NAV3: variants seen among roughly 807,000 people sequenced by gnomAD.
NAV3 encodes the protein pore membrane and/or filament interacting like protein 1.
A neutral mutation model predicts 244.7 loss-of-function variants in NAV3; 87 were observed. The ratio of observed to expected loss-of-function variants is 0.36; its 90% CI spans 0.30 to 0.42. The LOEUF (loss-of-function observed/expected upper bound fraction) is 0.42. Ranked by LOEUF, NAV3 falls within the 20% of genes least tolerant of loss-of-function variation. The pLI is 1.00. For missense variants in NAV3, 2,663 were observed against 2,893.3 expected (o/e 0.92, Z 1.83); for synonymous variants, 1,126 against 1,042.2 (o/e 1.08, Z -1.55).
At chr12:77,658,448 G>T (rs918657261) in intron 2 of NAV3, among the ~76,000 whole-genome samples, 1 of 145,868 alleles carries the variant, frequency 6.9e-6, no homozygotes, top group East Asian at 2.1e-4. Context: ...ACTGCTCAAT[G>T]AAATAAAAGA....
chr12:77,984,394 T>A (rs1014647334), intron 5 of NAV3, among the ~76,000 whole-genome samples: 1 of 152,022 alleles, frequency 6.6e-6, no homozygotes, highest in Non-Finnish European at 1.5e-5. Flanking sequence ...GACTTCCAAG[T>A]GCAGGTGTGC....
chr12:77,986,722 T>C (rs1190656949), intron 5 of NAV3, among the ~76,000 whole-genome samples: 1 of 152,174 alleles, frequency 6.6e-6, no homozygotes, highest in Non-Finnish European at 1.5e-5. Flanking sequence ...ACATCTTACA[T>C]GAAATTATTA....
intron 2 of NAV3, among the ~76,000 whole-genome samples, chr12:77,809,482 C>A (rs906510896): frequency 5.3e-5 from 8 of 152,182 alleles, no homozygotes; most frequent in Non-Finnish European, 1.0e-4. Context: ...AGCTTTGGTT[C>A]GCCCTCCATG....
chr12:77,818,396 T>G (rs1051793889), intron 2 of NAV3, among the ~76,000 whole-genome samples: 6 of 152,176 alleles, frequency 3.9e-5, no homozygotes, highest in African/African-American at 1.4e-4. Flanking sequence ...GCAATTTTAA[T>G]GTTTAGTAAG....
rs76182930 is a variant in NAV3 at position 77,772,173 on chromosome 12, A to G, written c.73-168146A>G. 1.1e-4 allele frequency among the ~76,000 whole-genome samples: 16 copies of G among 152,226 alleles called. No homozygotes were observed. The East Asian group carries it at 2.7e-3, about 26-fold the overall frequency. On this transcript the variant is annotated intron_variant, in intron 2 of 8. Coordinates refer to the NAV3 transcript ENST00000550042. ...AAGGGTTGTGTAGCTTGGTCCAGGTAACAGTGCTAATGAGGGACAACGCTA... is the reference window on the plus strand; with the variant it reads ...AAGGGTTGTGTAGCTTGGTCCAGGTGACAGTGCTAATGAGGGACAACGCTA...
intron 12 of NAV3, among the ~76,000 whole-genome samples, chr12:78,061,724 T>A (rs1197444188): frequency 6.6e-6 from 1 of 152,016 alleles, no homozygotes; most frequent in African/African-American, 2.4e-5. Context: ...CTATGAAAAA[T>A]TGTTTCAAAA....
chr12:78,117,300 A>ATAAATATCTATTATATAAATAGATAT (rs1566156420), intron 13 of NAV3, among the ~76,000 whole-genome samples: 1 of 113,956 alleles, frequency 8.8e-6, no homozygotes, highest in East Asian at 2.4e-4. Context: ...TATAGAGTAT[A>ATAAATATCTATTATATAAATAGATAT]TAAATATCTA....
At chr12:77,577,261 C>T (rs887272325) in intron 2 of NAV3, among the ~76,000 whole-genome samples, 1 of 152,152 alleles carries the variant, frequency 6.6e-6, no homozygotes, top group African/African-American at 2.4e-5. Context: ...TATCTGGCAT[C>T]CTCTAAGGAT....
At chr12:77,741,148 C>CAAAAAAAAAAAAAAAAA in intron 2 of NAV3, among the ~76,000 whole-genome samples, 1,191 of 68,432 alleles carry the variant, frequency 0.017, 6 homozygotes, top group East Asian at 0.027. Context: ...AAAAAAAAGA[C>CAAAAAAAAAAAAAAAAA]AAAAAAAAAA....
chr12:77,841,247 C>T (rs942973155), intron 1 of NAV3, among the ~76,000 whole-genome samples: 12 of 152,154 alleles, frequency 7.9e-5, no homozygotes, highest in Admixed American at 7.2e-4. Context: ...AGTATAACAA[C>T]GTGATGCCAC....
chr12:78,055,459 A>T (rs1423914957), intron 11 of NAV3, among the ~76,000 whole-genome samples: 2 of 152,228 alleles, frequency 1.3e-5, no homozygotes, highest in Non-Finnish European at 2.9e-5. Flanking sequence ...ATTAGTTAAC[A>T]TTGATTTCGA....
chr12:77,782,723 G>A (rs978224134), intron 2 of NAV3, among the ~76,000 whole-genome samples: 7 of 151,886 alleles, frequency 4.6e-5, no homozygotes, highest in African/African-American at 1.7e-4. Flanking sequence ...ACTTGTAATG[G>A]GAAAGTCTAA....
chr12:77,632,345 GTTTAA>G (rs1871948786), intron 2 of NAV3, among the ~76,000 whole-genome samples: 1 of 152,158 alleles, frequency 6.6e-6, no homozygotes, highest in Admixed American at 6.5e-5. Flanking sequence ...AGAAAAAGAG[GTTTAA>G]TGGACTCAGA....
At chr12:78,093,238 T>C (rs900116524) in intron 12 of NAV3, among the ~76,000 whole-genome samples, 4 of 152,216 alleles carry the variant, frequency 2.6e-5, no homozygotes, top group Non-Finnish European at 5.9e-5. Flanking sequence ...ATAATGCACT[T>C]TTATTTATTT....
intron 2 of NAV3, among the ~76,000 whole-genome samples, chr12:77,670,974 G>A (rs1345739322): frequency 6.6e-6 from 1 of 151,968 alleles, no homozygotes; most frequent in East Asian, 1.9e-4. Flanking sequence ...AGGACATCCA[G>A]ATAAGTAAAG....
At chr12:77,815,394 A>G (rs770805160) in intron 2 of NAV3, among the ~76,000 whole-genome samples, 1 of 152,182 alleles carries the variant, frequency 6.6e-6, no homozygotes, top group Non-Finnish European at 1.5e-5. Context: ...CTGTTATGGT[A>G]TTATGCTACT....
intron 2 of NAV3, among the ~76,000 whole-genome samples, chr12:77,643,128 A>G (rs182448904): frequency 5.9e-5 from 9 of 152,064 alleles, no homozygotes; most frequent in Admixed American, 5.9e-4. Context: ...CTCATACTCT[A>G]TAACCTCCTT....
chr12:77,841,125 T>C (rs2136165237), intron 1 of NAV3, among the ~76,000 whole-genome samples: 1 of 152,324 alleles, frequency 6.6e-6, no homozygotes, highest in Non-Finnish European at 1.5e-5. Context: ...ATTGGTTACA[T>C]GGAGGACCTC....
chr12:78,199,659 T>G, intron 37 of NAV3, 128 bp downstream of exon 37: 1 of 655,244 alleles, frequency 1.5e-6, no homozygotes, highest in Non-Finnish European at 2.3e-6. Context: ...ATTTATTTTT[T>G]TCCCTTCTGA....
Sources: gnomAD v4.1 joint callset for allele counts (sites outside exome capture counted in the v4.1 genomes callset) on GRCh38, gnomAD v4.1.1 for gene constraint, MANE v1.5 for transcripts, NCBI Gene and HGNC (gene_info 2026-07-23, HGNC 2026-07-21) for gene names.